FZD6: variants seen among roughly 807,000 people sequenced by gnomAD.
FZD6 encodes frizzled-6.
A neutral mutation model predicts 61.4 loss-of-function variants in FZD6; 49 were observed. That is an observed-to-expected ratio of 0.80 (90% confidence interval 0.63 to 1.01). The LOEUF (loss-of-function observed/expected upper bound fraction) is 1.01. Among genes scored for constraint, FZD6 ranks in the 50% least tolerant of loss-of-function variants. FZD6 has a pLI of 0.00. For missense variants in FZD6, 724 were observed against 848.2 expected (o/e 0.85, Z 1.82); for synonymous variants, 265 against 292.2 (o/e 0.91, Z 0.95).
At chr8:103,313,780 G>GTA (rs1441758344) in intron 2 of FZD6, among the ~76,000 whole-genome samples, 5 of 151,444 alleles carry the variant, frequency 3.3e-5, no homozygotes, top group Admixed American at 2.6e-4. Context: ...GTGTGTGTGT[G>GTA]TGTGTGTGTG....
chr8:103,300,435 C>T (rs1586498018), intron 2 of FZD6, 151 bp downstream of exon 2: 1 of 701,352 alleles, frequency 1.4e-6, no homozygotes, highest in African/African-American at 1.8e-5. Flanking sequence ...TTAAATCCCT[C>T]TACTGACTTA....
intron 2 of FZD6, among the ~76,000 whole-genome samples, chr8:103,313,935 C>A (rs1814564831): frequency 6.6e-6 from 1 of 152,144 alleles, no homozygotes; most frequent in South Asian, 2.1e-4. Context: ...TCTATGCCCC[C>A]ATTTCCAAAT....
chr8:103,300,516 T>C (rs1173477950), intron 2 of FZD6, among the ~76,000 whole-genome samples: 3 of 152,190 alleles, frequency 2.0e-5, no homozygotes, highest in Non-Finnish European at 4.4e-5. Flanking sequence ...TAATGAAGTA[T>C]GGTTACACAT....
chr8:103,300,193 T>C lies in FZD6; in HGVS notation c.86T>C (p.Val29Ala). ...CTCTTCACCTGTGAACCAATTACTG[T>C]TCCCAGATGTATGAAAATGGCCTAC... ...HSLFTCEPIT[V>A]PRCMKMAYNM... The change falls in exon 2 of 7, where the codon GTT becomes GCT. Residue 29 changes from valine to alanine, a missense_variant. By Grantham distance (64) the Val-to-Ala change is moderately conservative (BLOSUM62 0). Transcript: ENST00000358755. 6.2e-7 allele frequency: 1 copy of C among 1,604,902 alleles called. No individual in the cohort carries two copies. The highest frequency in any genetic ancestry group is 8.5e-7 in the Non-Finnish European group (1 of 1,171,548).
At chr8:103,307,819 G>C (rs1012047908) in intron 2 of FZD6, 1 of 456,058 alleles carries the variant, frequency 2.2e-6, no homozygotes. Context: ...AGAATCGCCA[G>C]GTGGGCTAGA....
chr8:103,300,119 T>C lies in FZD6; in HGVS notation c.12T>C (p.Phe4=), dbSNP rs756185937. 17 of 1,594,568 alleles carry C rather than the reference T, an allele frequency of 1.1e-5. No homozygotes were observed. ...GGAATTTGAAGAAAATGGAAATGTTTACATTTTTGTTGACGTGTATTTTTC... is the reference window on the plus strand; with the variant it reads ...GGAATTTGAAGAAAATGGAAATGTTCACATTTTTGTTGACGTGTATTTTTC... The part of the protein sequence containing the change: MEM[F]TFLLTCIFLP... The change falls in exon 2 of 7, where the codon TTT becomes TTC. Residue 4 remains phenylalanine, a synonymous_variant. Transcript: ENST00000358755.
At chr8:103,314,610 C>T (rs1266090108) in intron 2 of FZD6, among the ~76,000 whole-genome samples, 1 of 152,238 alleles carries the variant, frequency 6.6e-6, no homozygotes, top group African/African-American at 2.4e-5. Context: ...TGTCTCTGCT[C>T]AGTCACTTGC....
intron 2 of FZD6, among the ~76,000 whole-genome samples, chr8:103,309,913 T>C (rs1202388994): frequency 6.6e-6 from 1 of 152,222 alleles, no homozygotes; most frequent in Non-Finnish European, 1.5e-5. Flanking sequence ...AACTAGTTTG[T>C]AGGTCTTTTT....
intron 2 of FZD6, among the ~76,000 whole-genome samples, chr8:103,315,807 AG>A (rs1814610736): frequency 6.6e-6 from 1 of 152,236 alleles, no homozygotes; most frequent in Non-Finnish European, 1.5e-5. Flanking sequence ...CAATACTAAA[AG>A]GCTTTGAACA....
intron 2 of FZD6, among the ~76,000 whole-genome samples, chr8:103,306,185 G>C (rs971773294): frequency 2.6e-5 from 4 of 152,138 alleles, no homozygotes; most frequent in African/African-American, 4.8e-5. Context: ...TCCCTCACAA[G>C]AAATAGTTTA....
chr8:103,325,863 A>T (rs1364017265), intron 4 of FZD6, among the ~76,000 whole-genome samples: 6 of 152,172 alleles, frequency 3.9e-5, no homozygotes. Flanking sequence ...AGTAGTAAAA[A>T]ATCTTATTTG....
chr8:103,321,257 A>G (rs1201473556), intron 3 of FZD6, among the ~76,000 whole-genome samples: 1 of 152,230 alleles, frequency 6.6e-6, no homozygotes, highest in Non-Finnish European at 1.5e-5. Flanking sequence ...ATTGGGAAGT[A>G]GAATTCATTT....
intron 4 of FZD6, among the ~76,000 whole-genome samples, chr8:103,326,252 A>C (rs1814948946): frequency 6.6e-6 from 1 of 152,178 alleles, no homozygotes; most frequent in Non-Finnish European, 1.5e-5. Flanking sequence ...ATTTCATATA[A>C]TAGCTTATAT....
chr8:103,328,136 T>G, intron 4 of FZD6, 132 bp from the exon 5 acceptor site: 1 of 687,012 alleles, frequency 1.5e-6, no homozygotes, highest in Non-Finnish European at 2.5e-6. Flanking sequence ...GCATGCTTCA[T>G]TATATTATTT....
chr8:103,300,969 GA>G (rs1814152012), intron 2 of FZD6, among the ~76,000 whole-genome samples: 1 of 152,112 alleles, frequency 6.6e-6, no homozygotes, highest in African/African-American at 2.4e-5. Context: ...GTACAGACAG[GA>G]ACCTGCCTTC....
rs776618074 is a variant in FZD6, at chr8:103,324,926, G to C, written c.820G>C (p.Val274Leu). 37 of 1,613,938 alleles carry C rather than the reference G, an allele frequency of 2.3e-5. No homozygotes were observed. The highest frequency in any genetic ancestry group is 2.9e-5 in the Non-Finnish European group (34 of 1,179,952). The change falls in exon 4 of 7, where the codon GTC becomes CTC. Residue 274 changes from valine to leucine, a missense_variant. By Grantham distance (32) the Val-to-Leu change is conservative. Coordinates refer to ENST00000358755, the MANE Select transcript of FZD6 (RefSeq NM_003506.4). ...DEKLELGDTVVLGSQNKACTV... is the reference protein window; with the variant it reads ...DEKLELGDTVLLGSQNKACTV... ...GAAGCTAGAACTTGGTGACACTGTT[G>C]TCCTAGGCTCTCAAAATAAGGCTTG...
chr8:103,307,631 G>T, intron 2 of FZD6: 1 of 405,480 alleles, frequency 2.5e-6, no homozygotes, highest in South Asian at 1.8e-5. Flanking sequence ...ATATTATTTT[G>T]CCCTGGTCAT....
intron 2 of FZD6, among the ~76,000 whole-genome samples, chr8:103,305,527 C>T (rs376474442): frequency 2.0e-5 from 3 of 152,330 alleles, no homozygotes; most frequent in African/African-American, 7.2e-5. Flanking sequence ...CTTCCATATT[C>T]TCTACCCTTG....
chr8:103,317,062 A>G (rs1246726756), intron 2 of FZD6, among the ~76,000 whole-genome samples: 1 of 152,224 alleles, frequency 6.6e-6, no homozygotes, highest in Non-Finnish European at 1.5e-5. Context: ...TGGTAATGGG[A>G]AAGATAAGAG....
Sources: gnomAD v4.1 joint callset for allele counts (sites outside exome capture counted in the v4.1 genomes callset) on GRCh38, gnomAD v4.1.1 for gene constraint, MANE v1.5 for transcripts, NCBI Gene and HGNC (gene_info 2026-07-23, HGNC 2026-07-21) for gene names.